The following KIF13A variants were observed in gnomAD, a reference collection of about 807,000 sequenced individuals.
KIF13A encodes the protein kinesin family member 13A.
In KIF13A, 79 loss-of-function variants were observed where a neutral mutation model predicts 212.2. The observed-to-expected ratio is 0.37, with a 90% CI of 0.31 to 0.45. KIF13A has a LOEUF of 0.45. Ranked by LOEUF, KIF13A falls within the 20% of genes least tolerant of loss-of-function variation. The pLI, the probability that KIF13A is intolerant of heterozygous loss-of-function variation, is 1.00. For missense variants in KIF13A, 1,901 were observed against 2,209.0 expected (o/e 0.86, Z 2.79); for synonymous variants, 789 against 808.6 (o/e 0.98, Z 0.41).
chr6:17,759,447 T>TA (rs1758492363), downstream of KIF13A: 1 of 152,178 alleles, frequency 6.6e-6, no homozygotes, highest in Non-Finnish European at 1.5e-5. Context: ...AGGTTTCCAA[T>TA]ATCTTACTCA....
chr6:17,979,207 C>A (rs1269456846), intron 2 of KIF13A, among the ~76,000 whole-genome samples: 2 of 152,054 alleles, frequency 1.3e-5, no homozygotes, highest in African/African-American at 4.8e-5. Flanking sequence ...GCACAAGAAT[C>A]GATTGAACCT....
At chr6:17,980,829 T>C (rs1781001114) in intron 2 of KIF13A, among the ~76,000 whole-genome samples, 1 of 152,126 alleles carries the variant, frequency 6.6e-6, no homozygotes, top group Admixed American at 6.5e-5. Context: ...CCAAAATTAC[T>C]ATATTGGGAA....
rs990273099 is a variant in KIF13A, at chr6:17,777,216, C to T, written c.4170+61G>A. The T allele has an allele frequency of 7.4e-7, 1 of 1,348,830 alleles. No homozygotes were observed. The highest frequency in any genetic ancestry group is 1.0e-6 in the Non-Finnish European group (1 of 955,300). 83.6% of individuals were successfully genotyped at this position (1,348,830 alleles called of 1,614,324 possible). On this transcript the variant is annotated intron_variant, in intron 34 of 38. Coordinates refer to ENST00000259711, the MANE Select transcript of KIF13A (RefSeq NM_022113.6). The surrounding 1 kb of genome is among the most constrained non-coding windows in gnomAD (Gnocchi z 4.4). ...ACTGCCACTGTGTGAATCCCACCTTCCCCCACCCCAGAGGCTGCGACATGT... is the reference window on the plus strand; with the variant it reads ...ACTGCCACTGTGTGAATCCCACCTTTCCCCACCCCAGAGGCTGCGACATGT...
rs1468525870 is a variant in KIF13A, at chr6:17,781,634, T to TTG, written c.3545-334_3545-333insCA. 7.4e-5 allele frequency among the ~76,000 whole-genome samples: 11 copies of TTG among 148,512 alleles called. No homozygotes were observed. The South Asian group carries it at 1.9e-3, about 26-fold the overall frequency. On this transcript the variant is annotated intron_variant, in intron 29 of 38. Coordinates refer to ENST00000259711, the MANE Select transcript of KIF13A (RefSeq NM_022113.6). ...GCCACTGTACTTGGGTTTTTTTTTT[T>TTG]TTTTTTTTTTTGAGACAAGGTCTTG...
In KIF13A at chr6:17,891,724, T is replaced by C. The variant is rs567664818; in HGVS notation, c.159+6444A>G. On this transcript the variant is annotated intron_variant, in intron 3 of 38. Coordinates refer to ENST00000259711, the MANE Select transcript of KIF13A (RefSeq NM_022113.6). ...AGTTTGACGATGCAGTGAGCTATGA[T>C]TGTGCCACTGTACTCCAGCCTCGGT... is the stretch of plus-strand genomic sequence containing the variant. Among the ~76,000 whole-genome samples, 13 of 152,204 alleles carry C rather than the reference T, an allele frequency of 8.5e-5. No individual in the cohort carries two copies. The East Asian group carries it at 1.7e-3, about 20-fold the overall frequency.
chr6:17,826,087 G>C lies in KIF13A; in HGVS notation c.1570C>G (p.Gln524Glu), dbSNP rs753115739. 2 of 1,613,978 alleles carry C rather than the reference G, an allele frequency of 1.2e-6. No individual in the cohort carries two copies. ...AGGATTCGGTCACCATGCCACAGCT[G>C]GGTGGTACTGCACACAAGGGTGCCG... ...VNGTLVCSTT[Q>E]LWHGDRILWG... Residue 524 changes from glutamine (Q) to glutamate (E), a missense_variant, in exon 15 of 39, where the codon CAG becomes GAG. Physicochemically the swap from Gln to Glu is conservative, Grantham distance 29. Around this residue, in one of 5 missense-constraint regions of KIF13A, gnomAD observed 506 missense variants for 637.4 expected, o/e 0.79. Transcript: ENST00000259711. This position sits in a 1 kb window ranked among gnomAD's most constrained non-coding sequence, Gnocchi z 4.7.
chr6:17,921,216 T>C (rs528882928), intron 2 of KIF13A, among the ~76,000 whole-genome samples: 68 of 152,320 alleles, frequency 4.5e-4, no homozygotes, highest in African/African-American at 1.5e-3. Context: ...TCCCAAAGCA[T>C]GGTAGCATAT....
At chr6:17,937,542 G>A (rs1400588762) in intron 2 of KIF13A, among the ~76,000 whole-genome samples, 2 of 152,162 alleles carry the variant, frequency 1.3e-5, no homozygotes, top group Non-Finnish European at 2.9e-5. Flanking sequence ...GTAGTAATGG[G>A]AAGCAAAGGT....
chr6:17,968,252 CTGCCACTCACAGGGCT>C lies in KIF13A; in HGVS notation c.146+18786_146+18801del, dbSNP rs1779498743. Among the ~76,000 whole-genome samples the C allele has an allele frequency of 2.6e-5, 4 of 152,196 alleles. No homozygotes were observed. The South Asian group carries it at 8.3e-4, about 31-fold the overall frequency. ...AAGAAGAGTAAGCAGGCCAGCAGCC[CTGCCACTCACAGGGCT>C]GTCCCAGATTCACAGGCAATGGACT... On this transcript the variant is annotated intron_variant, in intron 2 of 38. Transcript: ENST00000259711. The surrounding 1 kb of genome is among the most constrained non-coding windows in gnomAD (Gnocchi z 4.7).
intron 17 of KIF13A, chr6:17,812,755 T>C (rs1240012687): frequency 1.3e-5 from 2 of 152,226 alleles, no homozygotes; most frequent in African/African-American, 4.8e-5. Context: ...AATTGCCGCA[T>C]TGCTTTCCAC....
intron 3 of KIF13A, chr6:17,881,565 T>C (rs530583350): frequency 2.0e-4 from 82 of 401,182 alleles, no homozygotes; most frequent in African/African-American, 1.3e-3. Context: ...GGTGCGGCAG[T>C]GCACGCCTGT....
chr6:17,761,870 TC>T (rs1758601902), downstream of KIF13A, among the ~76,000 whole-genome samples: 1 of 152,082 alleles, frequency 6.6e-6, no homozygotes, highest in South Asian at 2.1e-4. Context: ...TTGCTCCTCT[TC>T]CCTCTTCTAT....
At position 17,841,962 on chromosome 6, in the gene KIF13A, T is replaced by C. The variant is rs535194031; in HGVS notation, c.831-4379A>G. ...GTGTGTCTACATACACACACACACA[T>C]ACATGTAAGTACATGTATGTATGTG... On this transcript the variant is annotated intron_variant, in intron 9 of 38. Transcript: ENST00000259711. Among the ~76,000 whole-genome samples, 234 of 150,292 alleles carry C rather than the reference T, an allele frequency of 1.6e-3. 1 individual carries two copies. Among genetic ancestry groups the C allele is most frequent in the Middle Eastern group, 0.01 (3 of 286 alleles).
intron 20 of KIF13A, among the ~76,000 whole-genome samples, chr6:17,803,581 T>C (rs1762660559): frequency 6.6e-6 from 1 of 152,180 alleles, no homozygotes; most frequent in Admixed American, 6.5e-5. Flanking sequence ...ATAGCTGAAA[T>C]ACCAGAGTTT....
rs528497254 is a variant in KIF13A, at chr6:17,799,137, C to A, written c.2790+129G>T. On this transcript the variant is annotated intron_variant, in intron 22 of 38. Coordinates refer to ENST00000259711, the MANE Select transcript of KIF13A (RefSeq NM_022113.6). This position sits in a 1 kb window ranked among gnomAD's most constrained non-coding sequence, Gnocchi z 4.4. ...AACTATTTGCATTTGTAATGAGGTA[C>A]ATTTTTGAGGTTAAAACATCTAATA... is the stretch of plus-strand genomic sequence containing the variant. 1.4e-5 allele frequency: 7 copies of A among 503,520 alleles called. No homozygotes were observed. Among genetic ancestry groups the A allele is most frequent in the Non-Finnish European group, 2.3e-5 (7 of 305,666 alleles). The allele number at this position is 503,520 out of a possible 1,614,324, so 31.2% of individuals were successfully genotyped here.
intron 9 of KIF13A, among the ~76,000 whole-genome samples, chr6:17,848,558 CTTTTTTTTTTTT>C (rs66477046): frequency 1.5e-5 from 1 of 68,856 alleles, no homozygotes; most frequent in Non-Finnish European, 2.7e-5. Context: ...ACTCGTACAT[CTTTTTTTTTTTT>C]TTTTTTTTTT....
At chr6:17,824,781 C>CAA (rs59974782) in intron 16 of KIF13A, among the ~76,000 whole-genome samples, 1 of 90,658 alleles carries the variant, frequency 1.1e-5, no homozygotes, top group Non-Finnish European at 2.2e-5. Context: ...AAAAAAAAAA[C>CAA]AAAACACCAA....
intron 3 of KIF13A, 121 bp from the exon 4 acceptor site, chr6:17,873,558 T>C: frequency 2.9e-6 from 2 of 690,476 alleles, no homozygotes; most frequent in South Asian, 3.7e-5. Flanking sequence ...CTGAAAAAAA[T>C]CACTATAGGT....
chr6:17,976,615 T>C (rs958053737), intron 2 of KIF13A, among the ~76,000 whole-genome samples: 5 of 152,224 alleles, frequency 3.3e-5, no homozygotes, highest in South Asian at 2.1e-4. Flanking sequence ...TGGCCTCGGC[T>C]AGCCCAGAAA....
Sources: allele counts gnomAD v4.1 joint callset (sites outside exome capture counted in the v4.1 genomes callset), GRCh38; gene constraint gnomAD v4.1.1; regional missense constraint gnomAD v4.1.1; non-coding constraint Gnocchi (gnomAD v3.1); transcripts MANE v1.5; gene names NCBI Gene and HGNC (gene_info 2026-07-23, HGNC 2026-07-21).